Variants in POLR3B observed in about 807,000 individuals in gnomAD.
The protein encoded by POLR3B is DNA-directed RNA polymerase III subunit RPC2.
POLR3B carries 96 observed loss-of-function variants against 147.4 expected under a neutral mutation model. The observed-to-expected ratio is 0.65, with a 90% CI of 0.55 to 0.77. POLR3B has a LOEUF of 0.77. Among genes scored for constraint, POLR3B ranks in the 30% least tolerant of loss-of-function variants. POLR3B has a pLI of 0.00. For missense variants in POLR3B, 1,036 were observed against 1,413.5 expected, an observed-to-expected ratio of 0.73 and a Z score of 4.28; for synonymous variants, 461 against 485.9, an observed-to-expected ratio of 0.95 and a Z score of 0.67.
chr12:106,478,244 T>A (rs973949655), intron 23 of POLR3B, among the ~76,000 whole-genome samples: 1 of 152,064 alleles, frequency 6.6e-6, no homozygotes, highest in Non-Finnish European at 1.5e-5. Context: ...ACACACCTAA[T>A]TAGTAAGCTC....
At position 106,444,832 on chromosome 12, in the gene POLR3B, AG is replaced by A. The variant is rs144053099; in HGVS notation, c.2083+243del. Among the ~76,000 whole-genome samples, 1,064 of 152,298 alleles carry A rather than the reference AG, an allele frequency of 7.0e-3. 12 individuals are homozygous for A. Among genetic ancestry groups the A allele is most frequent in the African/African-American group, 0.024 (997 of 41,556 alleles). On this transcript the variant is annotated intron_variant, in intron 19 of 27. Transcript: ENST00000228347. ...TAAACTTGTTTCCTTCACCAAACAA[AG>A]CAATGTGTAATAAGTGTCACAGAAT...
intron 26 of POLR3B, 117 bp from the exon 27 acceptor site, chr12:106,503,960 TATTG>T (rs1351764457): frequency 1.1e-6 from 1 of 886,178 alleles, no homozygotes; most frequent in Non-Finnish European, 1.9e-6. Flanking sequence ...CCTGTCCAGT[TATTG>T]ATTTGGATCC....
chr12:106,362,020 C>A (rs983606758), intron 1 of POLR3B, among the ~76,000 whole-genome samples: 4 of 151,996 alleles, frequency 2.6e-5, no homozygotes, highest in Non-Finnish European at 5.9e-5. Flanking sequence ...AAGTGAGGAA[C>A]AGAGAAGCTA....
intron 4 of POLR3B, among the ~76,000 whole-genome samples, chr12:106,367,697 T>C (rs1210671772): frequency 6.6e-6 from 1 of 152,220 alleles, no homozygotes; most frequent in Non-Finnish European, 1.5e-5. Flanking sequence ...TATATTTTAT[T>C]ACTAATGATT....
chr12:106,369,816 A>C lies in POLR3B; in HGVS notation c.404+133A>C, dbSNP rs946871578. On this transcript the variant is annotated intron_variant, in intron 6 of 27. Coordinates refer to ENST00000228347, the MANE Select transcript of POLR3B (RefSeq NM_018082.6). ...TCCAATGAGTCAGCATGTGTAAAGC[A>C]CTTAGAATAATGTCCAGCACATAGT... is the stretch of plus-strand genomic sequence containing the variant. The C allele has an allele frequency of 1.6e-4, 109 of 697,372 alleles. No individual in the cohort carries two copies. The African/African-American group carries it at 1.9e-3, about 12-fold the overall frequency. 43.2% of individuals were successfully genotyped at this position (697,372 alleles called of 1,614,324 possible). A position where few individuals can be genotyped will look rare whatever the true frequency, so the allele number is the denominator to read the frequency against.
At position 106,459,353 on chromosome 12, in the gene POLR3B, A is replaced by C; in HGVS notation, c.2555A>C (p.Lys852Thr). 1 of 1,539,038 alleles carries C rather than the reference A, an allele frequency of 6.5e-7. No individual in the cohort carries two copies. The highest frequency in any genetic ancestry group is 9.0e-7 in the Non-Finnish European group (1 of 1,111,510). The change falls in exon 22 of 28, where the codon AAA becomes ACA. Residue 852 changes from lysine (K) to threonine (T), a missense_variant. Around this residue, in one of 12 missense-constraint regions of POLR3B, gnomAD observed 202 missense variants for 272.8 expected, o/e 0.74. Transcript: ENST00000228347. ...GSNVPQQPQY[K>T]DVPITYKGAT... ...AATGTACCACAGCAACCACAGTACA[A>C]AGATGTACCCATAACGTATGTATTG...
intron 23 of POLR3B, among the ~76,000 whole-genome samples, chr12:106,494,615 T>C (rs1201584917): frequency 1.3e-5 from 2 of 152,182 alleles, no homozygotes; most frequent in Non-Finnish European, 2.9e-5. Context: ...CCCTAGGGTT[T>C]TGTCAGATAA....
intron 6 of POLR3B, 101 bp from the exon 7 acceptor site, chr12:106,376,258 G>A: frequency 1.3e-6 from 1 of 780,570 alleles, no homozygotes; most frequent in Admixed American, 1.8e-5. Context: ...TGCATAGATA[G>A]ACCCTTAGTG....
At chr12:106,448,182 T>C (rs996197781) in intron 19 of POLR3B, among the ~76,000 whole-genome samples, 1 of 152,168 alleles carries the variant, frequency 6.6e-6, no homozygotes, top group African/African-American at 2.4e-5. Flanking sequence ...TTAATTATTA[T>C]AGCTATTTTA....
chr12:106,472,035 CCA>C (rs2038100759), intron 23 of POLR3B, among the ~76,000 whole-genome samples: 1 of 128,456 alleles, frequency 7.8e-6, no homozygotes, highest in Non-Finnish European at 1.6e-5. Context: ...ACAACAGTCC[CCA>C]GAGTGTGATA....
chr12:106,381,822 G>T (rs1301752008), intron 9 of POLR3B: 3 of 152,206 alleles, frequency 2.0e-5, no homozygotes, highest in African/African-American at 4.8e-5. Flanking sequence ...CAGCCCCAAG[G>T]GCTGGTGGTT....
chr12:106,358,847 C>A (rs2036426273), intron 1 of POLR3B, among the ~76,000 whole-genome samples: 1 of 152,154 alleles, frequency 6.6e-6, no homozygotes, highest in Non-Finnish European at 1.5e-5. Context: ...AAACATCTGA[C>A]AGAGCTTGGA....
intron 19 of POLR3B, among the ~76,000 whole-genome samples, 191 bp downstream of exon 19, chr12:106,444,781 T>G (rs1188323332): frequency 6.6e-6 from 1 of 152,078 alleles, no homozygotes; most frequent in Non-Finnish European, 1.5e-5. Flanking sequence ...GTCTAAATCT[T>G]AAACAAAAAA....
At chr12:106,471,564 A>G (rs569848616) in intron 23 of POLR3B, among the ~76,000 whole-genome samples, 12 of 152,036 alleles carry the variant, frequency 7.9e-5, no homozygotes, top group Non-Finnish European at 1.5e-4. Flanking sequence ...CCTGGGAGCT[A>G]TAGACCAGAG....
At chr12:106,451,261 T>C (rs561170987) in intron 19 of POLR3B, among the ~76,000 whole-genome samples, 2 of 152,016 alleles carry the variant, frequency 1.3e-5, no homozygotes, top group Non-Finnish European at 2.9e-5. Flanking sequence ...AGTTCTGATA[T>C]ATGTATATCA....
In POLR3B at chr12:106,358,265, C is replaced by G. The variant is rs145268886; in HGVS notation, c.72+314C>G. ...TGACCCTCGCACTTACTGTGGGGGA[C>G]GTATTGCATGTTTGCAGTCTTACAG... On this transcript the variant is annotated intron_variant, in intron 1 of 27. Transcript: ENST00000228347. 2,139 of 1,317,014 alleles carry G rather than the reference C, an allele frequency of 1.6e-3. 25 individuals are homozygous for G. In the East Asian group the frequency reaches 0.022, roughly 14 times the overall value. The allele number at this position is 1,317,014 out of a possible 1,614,324, so 81.6% of individuals were successfully genotyped here.
intron 4 of POLR3B, among the ~76,000 whole-genome samples, chr12:106,369,017 T>A (rs940373576): frequency 7.9e-5 from 12 of 152,220 alleles, no homozygotes; most frequent in Non-Finnish European, 1.6e-4. Context: ...GTATCATTTT[T>A]AGGGAGCTGT....
At chr12:106,423,532 C>T (rs2037398398) in intron 12 of POLR3B, among the ~76,000 whole-genome samples, 3 of 152,142 alleles carry the variant, frequency 2.0e-5, no homozygotes, top group Admixed American at 6.6e-5. Flanking sequence ...ATGGTGTTAA[C>T]TCTCAGACTG....
intron 10 of POLR3B, among the ~76,000 whole-genome samples, chr12:106,404,323 C>T (rs1395032409): frequency 1.3e-5 from 2 of 152,124 alleles, no homozygotes; most frequent in African/African-American, 4.8e-5. Flanking sequence ...GAACTCCTTA[C>T]TTCAGGTGAT....
Sources: allele counts gnomAD v4.1 joint callset (sites outside exome capture counted in the v4.1 genomes callset), GRCh38; gene constraint gnomAD v4.1.1; regional missense constraint gnomAD v4.1.1; transcripts MANE v1.5; gene names NCBI Gene and HGNC (gene_info 2026-07-23, HGNC 2026-07-21).